Variants in LRRIQ1 observed in about 807,000 individuals in gnomAD.
The protein encoded by LRRIQ1 is leucine rich repeats and IQ motif containing 1.
A neutral mutation model predicts 211.9 loss-of-function variants in LRRIQ1; 210 were observed. The ratio of observed to expected loss-of-function variants is 0.99; its 90% CI spans 0.89 to 1.11. The LOEUF (loss-of-function observed/expected upper bound fraction) is 1.11, where lower values mean the gene tolerates loss of function less well. Among genes scored for constraint, LRRIQ1 ranks in the 50% most tolerant of loss-of-function variants. The pLI is 0.00. For missense variants in LRRIQ1, 2,136 were observed against 1,939.5 expected, an observed-to-expected ratio of 1.10 and a Z score of -1.90; for synonymous variants, 699 against 650.1, an observed-to-expected ratio of 1.08 and a Z score of -1.14.
chr12:85,208,506 T>C (rs1279091482), intron 24 of LRRIQ1, among the ~76,000 whole-genome samples: 2 of 151,994 alleles, frequency 1.3e-5, no homozygotes, highest in Non-Finnish European at 2.9e-5. Context: ...AAATACAAAC[T>C]ACAAAATTAG....
rs1355387075 is a variant in LRRIQ1 at position 85,254,369 on chromosome 12, A to G, written c.122-8546A>G. Among the ~76,000 whole-genome samples, 3 of 152,260 alleles carry G rather than the reference A, an allele frequency of 2.0e-5. No individual in the cohort carries two copies. The East Asian group carries it at 5.8e-4, about 29-fold the overall frequency. On this transcript the variant is annotated intron_variant, in intron 1 of 1. Transcript: ENST00000602731. ...TCCATGATGTTTAACTAGCATTTTG[A>G]ACATTTTGGGAGCTCTGCTACTTCC...
At chr12:85,253,133 A>G (rs1259960053) in intron 1 of LRRIQ1, among the ~76,000 whole-genome samples, 1 of 151,982 alleles carries the variant, frequency 6.6e-6, no homozygotes, top group African/African-American at 2.4e-5. Flanking sequence ...AAAACTGTGT[A>G]ATGAATTGCA....
intron 24 of LRRIQ1, among the ~76,000 whole-genome samples, chr12:85,219,506 T>C (rs1894301495): frequency 6.6e-6 from 1 of 152,132 alleles, no homozygotes; most frequent in Non-Finnish European, 1.5e-5. Context: ...TCATACACTT[T>C]ATGTACTATC....
At chr12:85,256,414 A>T (rs1896094546) in intron 1 of LRRIQ1, among the ~76,000 whole-genome samples, 1 of 151,554 alleles carries the variant, frequency 6.6e-6, no homozygotes, top group Non-Finnish European at 1.5e-5. Flanking sequence ...ACACTAGCTA[A>T]TGTGCAAAAA....
At chr12:85,149,597 C>T (rs1481080216) in intron 19 of LRRIQ1, among the ~76,000 whole-genome samples, 1 of 151,690 alleles carries the variant, frequency 6.6e-6, no homozygotes, top group Non-Finnish European at 1.5e-5. Flanking sequence ...TTTTAAAAAA[C>T]AGTGGTATAT....
chr12:85,164,600 T>C (rs902985384), intron 24 of LRRIQ1, among the ~76,000 whole-genome samples: 1 of 152,206 alleles, frequency 6.6e-6, no homozygotes, highest in Non-Finnish European at 1.5e-5. Flanking sequence ...TATTATTAAG[T>C]ACTGTGCTGA....
intron 11 of LRRIQ1, among the ~76,000 whole-genome samples, chr12:85,095,113 C>T (rs915067188): frequency 2.6e-5 from 4 of 152,108 alleles, no homozygotes; most frequent in Admixed American, 6.6e-5. Flanking sequence ...ATTTCTTTCT[C>T]TTGCCTGATT....
intron 2 of LRRIQ1, among the ~76,000 whole-genome samples, chr12:85,039,023 G>C (rs1293114518): frequency 6.6e-6 from 1 of 150,996 alleles, no homozygotes; most frequent in Admixed American, 6.6e-5. Context: ...TTAAAGATTT[G>C]AGAACTTTGT....
At chr12:85,258,033 A>G (rs915752657) in intron 1 of LRRIQ1, among the ~76,000 whole-genome samples, 1 of 151,868 alleles carries the variant, frequency 6.6e-6, no homozygotes, top group Non-Finnish European at 1.5e-5. Flanking sequence ...GTAAATAAAC[A>G]GGCAAAATAC....
chr12:85,160,199 C>A (rs1007030716), intron 23 of LRRIQ1, among the ~76,000 whole-genome samples: 6 of 151,808 alleles, frequency 4.0e-5, no homozygotes, highest in African/African-American at 1.2e-4. Flanking sequence ...ATATTCTTGT[C>A]TTTGAATATA....
At chr12:85,145,044 A>G (rs965126187) in intron 19 of LRRIQ1, among the ~76,000 whole-genome samples, 1 of 151,488 alleles carries the variant, frequency 6.6e-6, no homozygotes, top group Non-Finnish European at 1.5e-5. Context: ...TGAAAAAAAT[A>G]GTTGCCTTTA....
intron 24 of LRRIQ1, among the ~76,000 whole-genome samples, chr12:85,209,682 A>T (rs1453707364): frequency 1.3e-5 from 2 of 152,196 alleles, no homozygotes; most frequent in Non-Finnish European, 2.9e-5. Context: ...ATTGATGCCT[A>T]AGATTTATTC....
At chr12:85,110,410 C>G (rs1301792534) in intron 15 of LRRIQ1, among the ~76,000 whole-genome samples, 1 of 151,980 alleles carries the variant, frequency 6.6e-6, no homozygotes, top group East Asian at 1.9e-4. Flanking sequence ...TGTATGTAAC[C>G]CAGCCTCCCA....
Position 85,056,842 on chromosome 12 carries a change from T to C in LRRIQ1, c.2049T>C (p.Pro683=). The C allele has an allele frequency of 6.2e-7, 1 of 1,613,340 alleles. No individual in the cohort carries two copies. The highest frequency in any genetic ancestry group is 2.2e-5 in the East Asian group (1 of 44,852). ...ATTATGTGTTAGGTAGACATGCTCC[T>C]TGTGAGGGCTTGAGTAACTATAATG... ...DQDYVLGRHA[P]CEGLSNYNAE... Residue 683 remains proline, a synonymous_variant, in exon 8 of 27, where the codon CCT becomes CCC. Coordinates refer to ENST00000393217, the MANE Select transcript of LRRIQ1 (RefSeq NM_001079910.2).
chr12:85,066,338 C>T (rs1206176472), intron 9 of LRRIQ1, among the ~76,000 whole-genome samples: 1 of 151,872 alleles, frequency 6.6e-6, no homozygotes, highest in Non-Finnish European at 1.5e-5. Context: ...GAAGCCCTCT[C>T]AACTCAGATA....
chr12:85,166,244 C>T (rs1259481981), intron 24 of LRRIQ1, among the ~76,000 whole-genome samples: 1 of 152,096 alleles, frequency 6.6e-6, no homozygotes, highest in Admixed American at 6.6e-5. Context: ...TTTAGTCTGG[C>T]GCAACAACTT....
chr12:85,056,249 A>G lies in LRRIQ1; in HGVS notation c.1456A>G (p.Asn486Asp), dbSNP rs1565792252. The G allele has an allele frequency of 5.1e-6, 8 of 1,573,350 alleles. No homozygotes were observed. The highest frequency in any genetic ancestry group is 6.0e-6 in the Non-Finnish European group (7 of 1,169,460). ...ADFKMEEKNE[N>D]LAKKRCSEEL... The stretch of plus-strand genomic sequence containing the variant: ...TTTTAAAATGGAAGAAAAAAATGAA[A>G]ACCTAGCAAAAAAACGATGTTCAGA... The change falls in exon 8 of 27, where the codon AAC becomes GAC. Residue 486 changes from asparagine to aspartate, a missense_variant. Transcript: ENST00000393217.
intron 11 of LRRIQ1, among the ~76,000 whole-genome samples, chr12:85,094,111 G>A (rs369172302): frequency 1.3e-5 from 2 of 152,152 alleles, no homozygotes; most frequent in African/African-American, 2.4e-5. Context: ...CCAGAAAAGC[G>A]CTGGAAAGCC....
chr12:85,253,064 T>TA (rs1294755962), intron 1 of LRRIQ1, among the ~76,000 whole-genome samples: 4 of 152,040 alleles, frequency 2.6e-5, no homozygotes, highest in Non-Finnish European at 4.4e-5. Context: ...AACAATGTCT[T>TA]ACGTGAAATA....
Sources: allele counts gnomAD v4.1 joint callset (sites outside exome capture counted in the v4.1 genomes callset), GRCh38; gene constraint gnomAD v4.1.1; transcripts MANE v1.5; gene names NCBI Gene and HGNC (gene_info 2026-07-23, HGNC 2026-07-21).